SPTLC3: variants seen among roughly 807,000 people sequenced by gnomAD.
SPTLC3 encodes the protein serine palmitoyltransferase long chain base subunit 3, also known as serine palmitoyltransferase 3.
In SPTLC3, 36 loss-of-function variants were observed where a neutral mutation model predicts 59.3. That is an observed-to-expected ratio of 0.61 (90% CI 0.47 to 0.80). The LOEUF (loss-of-function observed/expected upper bound fraction) is 0.80, where lower values mean the gene tolerates loss of function less well. Ranked by LOEUF, SPTLC3 falls within the 30% of genes least tolerant of loss-of-function variation. SPTLC3 has a pLI of 0.00. For missense variants in SPTLC3, 625 were observed against 685.1 expected, an observed-to-expected ratio of 0.91 and a Z score of 0.98; for synonymous variants, 257 against 240.8, an observed-to-expected ratio of 1.07 and a Z score of -0.62.
chr20:13,072,177 G>A, intron 2 of SPTLC3, 79 bp from the exon 3 acceptor site: 3 of 1,458,062 alleles, frequency 2.1e-6, no homozygotes, highest in Non-Finnish European at 2.8e-6. Context: ...GCTCTTCCAG[G>A]TCTTCTTCCC....
intron 1 of SPTLC3, among the ~76,000 whole-genome samples, chr20:13,044,102 TTC>T (rs398040826): frequency 8.4e-5 from 11 of 130,616 alleles, no homozygotes; most frequent in African/African-American, 1.9e-4. Context: ...TTTCTTTTTT[TTC>T]TTTTTTTTTT....
rs564366294 is a variant in SPTLC3 at position 13,120,074 on chromosome 20, G to A, written c.1152+2349G>A. Among the ~76,000 whole-genome samples, 8 of 152,238 alleles carry A rather than the reference G, an allele frequency of 5.3e-5. No homozygotes were observed. In the East Asian group the frequency reaches 1.5e-3, roughly 29 times the overall value. On this transcript the variant is annotated intron_variant, in intron 8 of 11. Coordinates refer to ENST00000399002, the MANE Select transcript of SPTLC3 (RefSeq NM_018327.4). Reference sequence around the variant, plus strand: ...ATATATTTTATTCCTATGAACTTCAGATAATTTTGTGAAGAATTTTTACTT... The same window carrying A: ...ATATATTTTATTCCTATGAACTTCAAATAATTTTGTGAAGAATTTTTACTT...
At chr20:13,023,881 G>T (rs1986014972) in intron 1 of SPTLC3, among the ~76,000 whole-genome samples, 1 of 152,164 alleles carries the variant, frequency 6.6e-6, no homozygotes, top group South Asian at 2.1e-4. Context: ...AGCAGGAGAT[G>T]AAATATGCCT....
chr20:13,059,897 G>T lies in SPTLC3; in HGVS notation c.303+10767G>T, dbSNP rs1987882795. Among the ~76,000 whole-genome samples the T allele has an allele frequency of 2.6e-5, 4 of 151,942 alleles. 1 individual carries two copies. The highest frequency in any genetic ancestry group is 5.9e-5 in the Non-Finnish European group (4 of 67,998). On this transcript the variant is annotated intron_variant, in intron 2 of 11. Coordinates refer to ENST00000399002, the MANE Select transcript of SPTLC3 (RefSeq NM_018327.4). ...CTTGATACCCACCCCCATGCTGACTGGTCGCCCTTCAAATTCAGCACCACT... is the reference window on the plus strand; with the variant it reads ...CTTGATACCCACCCCCATGCTGACTTGTCGCCCTTCAAATTCAGCACCACT...
chr20:13,053,839 A>C (rs897717854), intron 2 of SPTLC3, among the ~76,000 whole-genome samples: 1 of 152,116 alleles, frequency 6.6e-6, no homozygotes, highest in Non-Finnish European at 1.5e-5. Flanking sequence ...AAGATTAGGG[A>C]AAGAAGAATA....
intron 4 of SPTLC3, among the ~76,000 whole-genome samples, chr20:13,081,278 C>T (rs1314412462): frequency 2.6e-5 from 4 of 152,198 alleles, no homozygotes; most frequent in Non-Finnish European, 5.9e-5. Context: ...ATTGGCTATA[C>T]ATTGCTGAAC....
At chr20:13,033,111 C>A (rs1690345938) in intron 1 of SPTLC3, among the ~76,000 whole-genome samples, 3 of 152,156 alleles carry the variant, frequency 2.0e-5, no homozygotes, top group Middle Eastern at 6.8e-3. Context: ...TTGATCAGAC[C>A]AGGTGTTTCC....
At chr20:13,027,655 A>G (rs1340149800) in intron 1 of SPTLC3, among the ~76,000 whole-genome samples, 3 of 151,054 alleles carry the variant, frequency 2.0e-5, no homozygotes, top group African/African-American at 7.4e-5. Context: ...ACACACACAC[A>G]CACACACACA....
intron 8 of SPTLC3, among the ~76,000 whole-genome samples, chr20:13,120,849 T>C (rs184765613): frequency 6.6e-6 from 1 of 152,322 alleles, no homozygotes; most frequent in East Asian, 1.9e-4. Context: ...TAACAGTCTG[T>C]CCAGAGCCAG....
chr20:13,039,422 T>C lies in SPTLC3; in HGVS notation c.118-9523T>C, dbSNP rs1399742027. On this transcript the variant is annotated intron_variant, in intron 1 of 11. Coordinates refer to ENST00000399002, the MANE Select transcript of SPTLC3 (RefSeq NM_018327.4). ...AAATCTATTTTGTCTGATACTACTA[T>C]AGCAATTTCAGCTTTCTTACGGGTG... Among the ~76,000 whole-genome samples, 3 of 152,128 alleles carry C rather than the reference T, an allele frequency of 2.0e-5. No individual in the cohort carries two copies. The East Asian group carries it at 5.8e-4, about 29-fold the overall frequency.
Position 13,091,204 on chromosome 20 carries a change from A to C in SPTLC3, c.729A>C (p.Gly243=), listed in dbSNP as rs1457658322. ...CAATGAATATCCCAGCATTAGTTGG[A>C]AAGGTGAGAATTGTTAACCTAATTG... The part of the protein sequence containing the change: ...TNSMNIPALV[G]KGCLILSDEL... Residue 243 remains glycine, a synonymous_variant, in exon 5 of 12, where the codon GGA becomes GGC. Coordinates refer to ENST00000399002, the MANE Select transcript of SPTLC3 (RefSeq NM_018327.4). 2 of 1,613,418 alleles carry C rather than the reference A, an allele frequency of 1.2e-6. No individual in the cohort carries two copies.
intron 9 of SPTLC3, among the ~76,000 whole-genome samples, chr20:13,153,392 T>C (rs1450541486): frequency 6.6e-6 from 1 of 152,196 alleles, no homozygotes; most frequent in Non-Finnish European, 1.5e-5. Context: ...TCCTTTTTTC[T>C]GGCTTGGGAA....
intron 9 of SPTLC3, among the ~76,000 whole-genome samples, chr20:13,149,490 G>A (rs2038595037): frequency 6.6e-6 from 1 of 152,186 alleles, no homozygotes; most frequent in African/African-American, 2.4e-5. Flanking sequence ...CCAAGAGTAT[G>A]AGAATGTTTT....
At chr20:13,102,785 G>A (rs1989651031) in intron 6 of SPTLC3, among the ~76,000 whole-genome samples, 1 of 152,156 alleles carries the variant, frequency 6.6e-6, no homozygotes, top group Non-Finnish European at 1.5e-5. Context: ...TCTCCTTCCT[G>A]AGGATCAGAA....
chr20:13,075,939 A>G (rs1988631475), intron 4 of SPTLC3, among the ~76,000 whole-genome samples: 1 of 152,206 alleles, frequency 6.6e-6, no homozygotes, highest in South Asian at 2.1e-4. Context: ...GATATGGAAC[A>G]TGGGTCCCCG....
At chr20:13,153,578 T>C (rs903941829) in intron 9 of SPTLC3, among the ~76,000 whole-genome samples, 2 of 152,154 alleles carry the variant, frequency 1.3e-5, no homozygotes, top group African/African-American at 4.8e-5. Context: ...AATGAGCCAA[T>C]TCAGCTTAGC....
chr20:13,054,547 A>C (rs1003690928), intron 2 of SPTLC3, among the ~76,000 whole-genome samples: 1 of 152,210 alleles, frequency 6.6e-6, no homozygotes, highest in African/African-American at 2.4e-5. Context: ...TAAGAGGTAG[A>C]GTTAGAGATG....
chr20:13,085,482 C>G (rs1451768926), intron 4 of SPTLC3, among the ~76,000 whole-genome samples: 1 of 152,144 alleles, frequency 6.6e-6, no homozygotes, highest in African/African-American at 2.4e-5. Flanking sequence ...GATGGGACAG[C>G]TGGCAGTTCC....
chr20:13,145,759 C>A (rs941555385), intron 9 of SPTLC3, among the ~76,000 whole-genome samples: 2 of 152,254 alleles, frequency 1.3e-5, no homozygotes, highest in African/African-American at 2.4e-5. Context: ...GCTACAGCAA[C>A]CAAAACAGCA....
Sources: allele counts gnomAD v4.1 joint callset (sites outside exome capture counted in the v4.1 genomes callset), GRCh38; gene constraint gnomAD v4.1.1; transcripts MANE v1.5; gene names NCBI Gene and HGNC (gene_info 2026-07-23, HGNC 2026-07-21).